The following ZNF385D variants were observed in gnomAD, a reference collection of about 807,000 sequenced individuals.
ZNF385D encodes zinc finger protein 659.
A neutral mutation model predicts 35.8 loss-of-function variants in ZNF385D; 15 were observed. That is an observed-to-expected ratio of 0.42 (90% CI 0.28 to 0.64). The LOEUF is 0.64. ZNF385D is among the 30% of genes least tolerant of loss of function. The pLI, the probability that ZNF385D is intolerant of heterozygous loss-of-function variation, is 0.23. For synonymous variants in ZNF385D, 212 were observed against 186.8 expected (o/e 1.13, Z -1.10); for missense variants, 474 against 494.6 (o/e 0.96, Z 0.39).
intron 3 of ZNF385D, among the ~76,000 whole-genome samples, chr3:22,099,980 T>A (rs1701842703): frequency 6.6e-6 from 1 of 151,690 alleles, no homozygotes; most frequent in Non-Finnish European, 1.5e-5. Context: ...TCAAACAAAT[T>A]TACAAGAAAA....
chr3:21,714,111 G>T (rs2068222273), intron 1 of ZNF385D, among the ~76,000 whole-genome samples: 1 of 152,184 alleles, frequency 6.6e-6, no homozygotes, highest in African/African-American at 2.4e-5. Flanking sequence ...GCCTACTCCT[G>T]CCTTCACCCA....
intron 3 of ZNF385D, among the ~76,000 whole-genome samples, chr3:21,809,408 C>T (rs1055817271): frequency 2.6e-5 from 4 of 151,688 alleles, no homozygotes; most frequent in East Asian, 3.9e-4. Context: ...TTGTCTAATG[C>T]GGTTTTCAAC....
chr3:21,720,826 T>C (rs977804011), intron 1 of ZNF385D, among the ~76,000 whole-genome samples: 11 of 152,088 alleles, frequency 7.2e-5, no homozygotes, highest in Admixed American at 3.9e-4. Flanking sequence ...TATTGTAGGG[T>C]AGTAGTGGGG....
At chr3:22,034,202 G>A (rs1381803312) in intron 3 of ZNF385D, among the ~76,000 whole-genome samples, 1 of 152,160 alleles carries the variant, frequency 6.6e-6, no homozygotes, top group African/African-American at 2.4e-5. Flanking sequence ...AGAATTAGAT[G>A]AAGTCTTCAG....
chr3:21,441,535 A>G (rs553596282), intron 4 of ZNF385D, among the ~76,000 whole-genome samples: 69 of 152,298 alleles, frequency 4.5e-4, no homozygotes, highest in African/African-American at 1.6e-3. Context: ...CTGAAAGACA[A>G]CATCTTAAAC....
intron 2 of ZNF385D, among the ~76,000 whole-genome samples, chr3:21,573,537 A>G (rs1483201824): frequency 6.6e-6 from 1 of 152,250 alleles, no homozygotes; most frequent in Admixed American, 6.5e-5. Context: ...AGAGATAATT[A>G]CGAGGAAGTG....
At chr3:22,248,766 C>A (rs1335125255) in intron 2 of ZNF385D, among the ~76,000 whole-genome samples, 1 of 152,082 alleles carries the variant, frequency 6.6e-6, no homozygotes, top group Non-Finnish European at 1.5e-5. Context: ...ATCTGTGTCG[C>A]CTTTGTGTAG....
Position 21,709,409 on chromosome 3 carries a change from C to T in ZNF385D, c.22+41486G>A, listed in dbSNP as rs76027515. Among the ~76,000 whole-genome samples, 936 of 152,226 alleles carry T rather than the reference C, an allele frequency of 6.1e-3. 6 individuals are homozygous for T. Among genetic ancestry groups the T allele is most frequent in the Non-Finnish European group, 0.011 (716 of 68,020 alleles). On this transcript the variant is annotated intron_variant, in intron 1 of 7. Transcript: ENST00000281523. ...ATGAGTTTCCAGAAACCCTCTCTAA[C>T]CCTAAGGTGACTGACCATACTCTTA...
At chr3:22,240,408 G>A (rs571716800) in intron 2 of ZNF385D, among the ~76,000 whole-genome samples, 66 of 150,978 alleles carry the variant, frequency 4.4e-4, no homozygotes, top group Non-Finnish European at 8.0e-4. Context: ...CTGCCCTTTT[G>A]TTAATTATTT....
At chr3:22,257,558 C>G (rs1053570254) in intron 2 of ZNF385D, among the ~76,000 whole-genome samples, 1 of 151,680 alleles carries the variant, frequency 6.6e-6, no homozygotes, top group Non-Finnish European at 1.5e-5. Flanking sequence ...ACGTGGTTTT[C>G]TTCTATTTCA....
chr3:22,199,306 T>C (rs563629724), intron 2 of ZNF385D, among the ~76,000 whole-genome samples: 1 of 152,216 alleles, frequency 6.6e-6, no homozygotes, highest in South Asian at 2.1e-4. Flanking sequence ...TGGAAGGAAA[T>C]GCAGAAGTTA....
intron 3 of ZNF385D, among the ~76,000 whole-genome samples, chr3:22,137,822 C>T (rs1438063745): frequency 6.6e-6 from 1 of 151,768 alleles, no homozygotes; most frequent in Non-Finnish European, 1.5e-5. Flanking sequence ...CTGGCCAGGG[C>T]AATCAGGCAG....
chr3:22,323,156 T>C (rs767003916), intron 2 of ZNF385D, among the ~76,000 whole-genome samples: 5 of 152,132 alleles, frequency 3.3e-5, no homozygotes, highest in Non-Finnish European at 5.9e-5. Flanking sequence ...TCTTGGTGGC[T>C]GCCAAGGAGA....
chr3:22,243,871 A>G (rs901675436), intron 2 of ZNF385D, among the ~76,000 whole-genome samples: 1 of 150,886 alleles, frequency 6.6e-6, no homozygotes, highest in Non-Finnish European at 1.5e-5. Context: ...GTGGTATTCA[A>G]TTGACAGCTG....
At chr3:21,653,273 A>G (rs911189173) in intron 2 of ZNF385D, among the ~76,000 whole-genome samples, 3 of 152,162 alleles carry the variant, frequency 2.0e-5, no homozygotes, top group African/African-American at 7.2e-5. Context: ...ATTAGATCTT[A>G]ACATGTGTAT....
At chr3:21,763,754 T>C (rs1017690461) in intron 3 of ZNF385D, among the ~76,000 whole-genome samples, 23 of 148,794 alleles carry the variant, frequency 1.5e-4, no homozygotes, top group Admixed American at 2.7e-4. Context: ...CATCTACCCT[T>C]CAGAAACTGT....
chr3:21,808,505 T>A (rs146680861), intron 3 of ZNF385D, among the ~76,000 whole-genome samples: 2 of 152,186 alleles, frequency 1.3e-5, no homozygotes, highest in South Asian at 2.1e-4. Flanking sequence ...GGCATGGCCA[T>A]TGCAGAGACT....
chr3:21,727,991 A>G lies in ZNF385D; in HGVS notation c.22+22904T>C, dbSNP rs183831303. 7.0e-4 allele frequency among the ~76,000 whole-genome samples: 107 copies of G among 152,232 alleles called. 1 individual carries two copies. The highest frequency in any genetic ancestry group is 6.7e-3 in the Admixed American group (103 of 15,294). On this transcript the variant is annotated intron_variant, in intron 1 of 7. Transcript: ENST00000281523. ...ATGAGTTCATGTCCTTTGCAGGGAC[A>G]TGGATGAAGCTGGAAACCATCATTC...
At chr3:21,935,163 G>A (rs1181477060) in intron 3 of ZNF385D, among the ~76,000 whole-genome samples, 1 of 152,120 alleles carries the variant, frequency 6.6e-6, no homozygotes, top group Non-Finnish European at 1.5e-5. Flanking sequence ...AAGAGAGGCT[G>A]TGGAGGAGTA....
Sources: allele counts gnomAD v4.1 joint callset (sites outside exome capture counted in the v4.1 genomes callset), GRCh38; gene constraint gnomAD v4.1.1; transcripts MANE v1.5; gene names NCBI Gene and HGNC (gene_info 2026-07-23, HGNC 2026-07-21).